Variants in SPTY2D1 observed in about 807,000 individuals in gnomAD.
SPTY2D1 encodes the protein SPT2 chromatin protein domain containing 1.
Under a neutral mutation model 64.0 loss-of-function variants are expected in SPTY2D1, and 21 were observed. That is an observed-to-expected ratio of 0.33 (90% CI 0.23 to 0.47). The LOEUF is 0.47. SPTY2D1 is among the 20% of genes least tolerant of loss of function. SPTY2D1 has a pLI of 1.00. For synonymous variants in SPTY2D1, 287 were observed against 286.8 expected (o/e 1.00, Z -0.01); for missense variants, 724 against 837.2 (o/e 0.86, Z 1.67).
chr11:18,615,056 T>C lies in SPTY2D1; in HGVS notation c.1218A>G (p.Ser406=). 3.1e-6 allele frequency: 5 copies of C among 1,614,174 alleles called. No homozygotes were observed. Among genetic ancestry groups the C allele is most frequent in the Non-Finnish European group, 2.5e-6 (3 of 1,180,046 alleles). The stretch of plus-strand genomic sequence containing the variant: ...ACCCACTGATTGATCGCTCAGGTCC[T>C]GAGCTGGAGCTGCCATTCTGGCGCC... The part of the protein sequence containing the change: ...VPRRQNGSSS[S]GPERSISGSK... The change falls in exon 3 of 6, where the codon TCA becomes TCG. Residue 406 remains serine (S), a synonymous_variant. Coordinates refer to ENST00000336349, the MANE Select transcript of SPTY2D1 (RefSeq NM_194285.3).
chr11:18,634,190 C>T lies in SPTY2D1; in HGVS notation c.60+8G>A. 1 of 1,614,198 alleles carries T rather than the reference C, an allele frequency of 6.2e-7. No individual in the cohort carries two copies. Among genetic ancestry groups the T allele is most frequent in the Non-Finnish European group, 8.5e-7 (1 of 1,180,018 alleles). On this transcript the variant is annotated splice_region_variant and intron_variant, in intron 1 of 5. Coordinates refer to ENST00000336349, the MANE Select transcript of SPTY2D1 (RefSeq NM_194285.3). ...GTCCCCTACATTGATGCCCCAGCTG[C>T]TACTTACCGGCACATTGTTGACACC...
Position 18,615,307 on chromosome 11 carries a change from T to G in SPTY2D1, c.967A>C (p.Ser323Arg). The G allele has an allele frequency of 6.2e-7, 1 of 1,614,180 alleles. No homozygotes were observed. Among genetic ancestry groups the G allele is most frequent in the Middle Eastern group, 1.6e-4 (1 of 6,062 alleles). ...GKPHSSTSSP[S>R]VPKTSASRTQ... is the part of the protein sequence containing the mutation. ...CTGCTAGCAGAAGTCTTTGGGACACTTGGTGAAGAGGTGCTGGAATGAGGC... is the reference window on the plus strand; with the variant it reads ...CTGCTAGCAGAAGTCTTTGGGACACGTGGTGAAGAGGTGCTGGAATGAGGC... Residue 323 changes from serine to arginine, a missense_variant, in exon 3 of 6, where the codon AGT (serine) becomes CGT (arginine). Around this residue, in one of 3 missense-constraint regions of SPTY2D1, gnomAD observed 426 missense variants for 431.8 expected, o/e 0.99. Transcript: ENST00000336349.
chr11:18,627,739 C>T lies in SPTY2D1; in HGVS notation c.60+6459G>A, dbSNP rs574532329. On this transcript the variant is annotated intron_variant, in intron 1 of 5. Transcript: ENST00000336349. ...TAAAAATACAAAAAAAGTAGCCAGG[C>T]ATGGTGGCGGATGCCTATAGTCCCA... is the stretch of plus-strand genomic sequence containing the variant. Among the ~76,000 whole-genome samples the T allele has an allele frequency of 3.3e-5, 5 of 152,212 alleles. No individual in the cohort carries two copies. The South Asian group carries it at 1.0e-3, about 32-fold the overall frequency.
At chr11:18,634,125 G>C in intron 1 of SPTY2D1, 73 bp downstream of exon 1, 2 of 1,556,666 alleles carry the variant, frequency 1.3e-6, no homozygotes, top group Non-Finnish European at 1.8e-6. Flanking sequence ...CTGCCCAGAA[G>C]TTCCATGGGC....
chr11:18,631,912 C>T (rs540226560), intron 1 of SPTY2D1, among the ~76,000 whole-genome samples: 20 of 152,058 alleles, frequency 1.3e-4, no homozygotes, highest in African/African-American at 4.8e-4. Flanking sequence ...TTTGGGAAGC[C>T]GAGGTGGGCG....
At chr11:18,613,929 CCT>C (rs1854246010) in intron 3 of SPTY2D1, among the ~76,000 whole-genome samples, 1 of 152,066 alleles carries the variant, frequency 6.6e-6, no homozygotes, top group African/African-American at 2.4e-5. Context: ...CCGATTATAC[CCT>C]GATCCTTGAA....
At position 18,615,413 on chromosome 11, in the gene SPTY2D1, C is replaced by G; in HGVS notation, c.861G>C (p.Arg287Ser). The part of the protein sequence containing the change: ...LSSSKSMPGE[R>S]IKAGSGNSSQ... ...AGCTATTGCCAGATCCTGCCTTGAT[C>G]CTCTCTCCTGGCATGGATTTGGATG... Residue 287 changes from arginine (R) to serine (S), a missense_variant, in exon 3 of 6, where the codon AGG (arginine) becomes AGC (serine). Around this residue, in one of 3 missense-constraint regions of SPTY2D1, gnomAD observed 426 missense variants for 431.8 expected, o/e 0.99. Coordinates refer to ENST00000336349, the MANE Select transcript of SPTY2D1 (RefSeq NM_194285.3). The G allele has an allele frequency of 6.2e-7, 1 of 1,614,194 alleles. No homozygotes were observed. Among genetic ancestry groups the G allele is most frequent in the Non-Finnish European group, 8.5e-7 (1 of 1,180,036 alleles).
At chr11:18,626,198 T>C (rs1854494981) in intron 1 of SPTY2D1, among the ~76,000 whole-genome samples, 1 of 152,182 alleles carries the variant, frequency 6.6e-6, no homozygotes, top group South Asian at 2.1e-4. Flanking sequence ...AATTTCCACC[T>C]GCCTCTTGGA....
chr11:18,624,032 GCA>G (rs1854458634), intron 1 of SPTY2D1, among the ~76,000 whole-genome samples: 1 of 152,116 alleles, frequency 6.6e-6, no homozygotes, highest in Non-Finnish European at 1.5e-5. Flanking sequence ...TTATGTGGAT[GCA>G]CATTTTCCTT....
rs1208462957 is a variant in SPTY2D1 at position 18,614,944 on chromosome 11, C to T, written c.1330G>A (p.Gly444Ser). The T allele has an allele frequency of 4.3e-6, 7 of 1,613,710 alleles. No individual in the cohort carries two copies. Among genetic ancestry groups the T allele is most frequent in the Non-Finnish European group, 5.1e-6 (6 of 1,179,798 alleles). Residue 444 changes from glycine (G) to serine (S), a missense_variant, in exon 3 of 6, where the codon GGC becomes AGC. Around this residue, in one of 3 missense-constraint regions of SPTY2D1, gnomAD observed 426 missense variants for 431.8 expected, o/e 0.99. Coordinates refer to ENST00000336349, the MANE Select transcript of SPTY2D1 (RefSeq NM_194285.3). Reference protein sequence around the residue: ...GPGQPASSSGGPGRPISGSVS... With the variant: ...GPGQPASSSGSPGRPISGSVS... ...GAACCACTGATGGGTCGCCCAGGGC[C>T]ACCTGAGCTGCTTGCAGGTTGTCCA...
chr11:18,616,408 T>C (rs537832308), intron 2 of SPTY2D1, among the ~76,000 whole-genome samples: 1 of 152,230 alleles, frequency 6.6e-6, no homozygotes, highest in Non-Finnish European at 1.5e-5. Context: ...TATGATTCAA[T>C]GAATACTTAA....
At chr11:18,613,740 T>C (rs1054093616) in intron 3 of SPTY2D1, among the ~76,000 whole-genome samples, 2 of 152,210 alleles carry the variant, frequency 1.3e-5, no homozygotes, top group African/African-American at 4.8e-5. Context: ...ATAAAGCAAG[T>C]ACGACCTAGC....
intron 4 of SPTY2D1, 110 bp from the exon 5 acceptor site, chr11:18,611,664 C>T: frequency 2.2e-6 from 2 of 893,288 alleles, no homozygotes; most frequent in South Asian, 3.0e-5. Flanking sequence ...ATCAAGCACA[C>T]ATTTAGAATT....
Position 18,615,795 on chromosome 11 carries a change from A to C in SPTY2D1, c.479T>G (p.Leu160Arg). 6.2e-7 allele frequency: 1 copy of C among 1,614,004 alleles called. No individual in the cohort carries two copies. The highest frequency in any genetic ancestry group is 1.1e-5 in the South Asian group (1 of 91,068). ...GTTCATGGGTGGTGGGGCACTTTTA[A>C]GGGGGACCTTTGGTTTGCTTTCAAC... ...PKVESKPKVP[L>R]KSAPPPMNFT... The change falls in exon 3 of 6, where the codon CTT becomes CGT. Residue 160 changes from leucine (L) to arginine (R), a missense_variant. This residue lies in a region of SPTY2D1 where 179 missense variants were observed against 232.5 expected (regional missense o/e 0.77). Transcript: ENST00000336349.
chr11:18,619,863 GC>G (rs1460230415), intron 1 of SPTY2D1, among the ~76,000 whole-genome samples: 1 of 152,168 alleles, frequency 6.6e-6, no homozygotes, highest in Non-Finnish European at 1.5e-5. Flanking sequence ...CAAGAAAAAT[GC>G]AAATACATAT....
chr11:18,625,102 A>G (rs1047101260), intron 1 of SPTY2D1, among the ~76,000 whole-genome samples: 1 of 152,240 alleles, frequency 6.6e-6, no homozygotes. Context: ...GCTTTACATA[A>G]GAGATTTATA....
intron 2 of SPTY2D1, among the ~76,000 whole-genome samples, chr11:18,616,439 TG>T (rs1402942542): frequency 9.2e-5 from 14 of 152,230 alleles, no homozygotes; most frequent in Admixed American, 8.5e-4. Context: ...TCAGTTTCTT[TG>T]TATTTGCATG....
rs1188860631 is a variant in SPTY2D1 at position 18,609,739 on chromosome 11, G to A, written c.*122C>T. The A allele has an allele frequency of 1.3e-6, 1 of 757,912 alleles. No homozygotes were observed. Among genetic ancestry groups the A allele is most frequent in the Non-Finnish European group, 2.2e-6 (1 of 454,928 alleles). 46.9% of individuals were successfully genotyped at this position (757,912 alleles called of 1,614,324 possible). A position where few individuals can be genotyped will look rare whatever the true frequency, so the allele number is the denominator to read the frequency against. ...AATGACAGCCTGCAAATGACAGTAT[G>A]CATTCCTTCTCCTTGAGTACCCAAG... On this transcript the variant is annotated 3_prime_UTR_variant, in exon 6 of 6. Coordinates refer to ENST00000336349, the MANE Select transcript of SPTY2D1 (RefSeq NM_194285.3).
At chr11:18,619,826 A>G (rs1854362637) in intron 1 of SPTY2D1, among the ~76,000 whole-genome samples, 1 of 152,150 alleles carries the variant, frequency 6.6e-6, no homozygotes, top group South Asian at 2.1e-4. Context: ...GCCCCATACA[A>G]ATCAAAGCCC....
Sources: allele counts gnomAD v4.1 joint callset (sites outside exome capture counted in the v4.1 genomes callset), GRCh38; gene constraint gnomAD v4.1.1; regional missense constraint gnomAD v4.1.1; transcripts MANE v1.5; gene names NCBI Gene and HGNC (gene_info 2026-07-23, HGNC 2026-07-21).